AKAP13: variants seen among roughly 807,000 people sequenced by gnomAD.
AKAP13 encodes A-kinase anchor protein 13.
Under a neutral mutation model 264.5 loss-of-function variants are expected in AKAP13, and 80 were observed. The observed-to-expected ratio is 0.30, with a 90% CI of 0.25 to 0.36. AKAP13 has a LOEUF of 0.36. Ranked by LOEUF, AKAP13 falls within the 10% of genes least tolerant of loss-of-function variation. The pLI is 1.00. For synonymous variants in AKAP13, 1,380 were observed against 1,250.2 expected (o/e 1.10, Z -2.19); for missense variants, 3,712 against 3,435.2 (o/e 1.08, Z -2.01).
intron 5 of AKAP13, among the ~76,000 whole-genome samples, chr15:85,562,191 T>C (rs985194633): frequency 1.3e-5 from 2 of 152,178 alleles, no homozygotes; most frequent in Non-Finnish European, 2.9e-5. Context: ...TGATAAATAT[T>C]AACAATAAAA....
chr15:85,611,496 T>A (rs1471455), intron 8 of AKAP13, among the ~76,000 whole-genome samples: 62,883 of 152,010 alleles, frequency 0.41, 13,857 homozygotes, highest in East Asian at 0.57. Context: ...TAATGTTAAA[T>A]ATTTTTGGAC....
intron 8 of AKAP13, among the ~76,000 whole-genome samples, chr15:85,613,648 T>C (rs1423932654): frequency 7.6e-6 from 1 of 130,818 alleles, no homozygotes; most frequent in African/African-American, 2.9e-5. Context: ...ACCACTGCAC[T>C]CCAGCCTGGG....
chr15:85,442,526 A>ATATATTATATATATTATATTATAT (rs2073738132), intron 1 of AKAP13, among the ~76,000 whole-genome samples: 5 of 110,068 alleles, frequency 4.5e-5, no homozygotes, highest in African/African-American at 1.8e-4. Context: ...ATATTATATT[A>ATATATTATATATATTATATTATAT]TATATAATAT....
intron 5 of AKAP13, among the ~76,000 whole-genome samples, chr15:85,558,787 G>A (rs2078242202): frequency 6.6e-6 from 1 of 152,148 alleles, no homozygotes; most frequent in African/African-American, 2.4e-5. Flanking sequence ...AGAAATGGAT[G>A]TGCATTCCTT....
chr15:85,669,870 T>C (rs1360683694), intron 14 of AKAP13, 40 bp downstream of exon 14: 1 of 1,393,196 alleles, frequency 7.2e-7, no homozygotes, highest in Admixed American at 1.8e-5. Context: ...ATATATTAAA[T>C]CTTAACCACT....
intron 6 of AKAP13, 35 bp downstream of exon 6, chr15:85,575,364 A>G (rs755383485): frequency 1.4e-5 from 22 of 1,576,002 alleles, no homozygotes; most frequent in Middle Eastern, 3.5e-4. Context: ...AAGTATATGC[A>G]TGTGTATGTG....
intron 17 of AKAP13, among the ~76,000 whole-genome samples, chr15:85,694,849 C>G (rs532793252): frequency 6.6e-6 from 1 of 152,210 alleles, no homozygotes; most frequent in African/African-American, 2.4e-5. Context: ...ATTCAGATGT[C>G]AAGGAGCAAC....
chr15:85,406,185 T>A (rs780773530), intron 1 of AKAP13, among the ~76,000 whole-genome samples: 1 of 152,188 alleles, frequency 6.6e-6, no homozygotes, highest in Non-Finnish European at 1.5e-5. Context: ...CTAGAGTGGA[T>A]AAATAAACTA....
intron 5 of AKAP13, among the ~76,000 whole-genome samples, chr15:85,571,488 C>G (rs2078817840): frequency 6.6e-6 from 1 of 152,016 alleles, no homozygotes; most frequent in African/African-American, 2.4e-5. Flanking sequence ...TAGAGTTTTG[C>G]GAGATTTTAC....
At chr15:85,397,336 G>T (rs1018778247) in intron 1 of AKAP13, among the ~76,000 whole-genome samples, 7 of 151,966 alleles carry the variant, frequency 4.6e-5, no homozygotes, top group Admixed American at 3.9e-4. Flanking sequence ...TGGCTGCTTT[G>T]CCAAAAGTGC....
At chr15:85,737,611 G>T (rs752254278) in intron 33 of AKAP13, among the ~76,000 whole-genome samples, 1 of 152,150 alleles carries the variant, frequency 6.6e-6, no homozygotes, top group Non-Finnish European at 1.5e-5. Flanking sequence ...TCTAAATACA[G>T]TGGAGTCCTG....
chr15:85,490,161 T>A (rs892349018), intron 2 of AKAP13, among the ~76,000 whole-genome samples: 1 of 152,130 alleles, frequency 6.6e-6, no homozygotes, highest in Non-Finnish European at 1.5e-5. Flanking sequence ...GCCTGGATTG[T>A]TTAGAGAGAG....
chr15:85,428,381 T>A (rs1257098923), intron 1 of AKAP13, among the ~76,000 whole-genome samples: 2 of 152,194 alleles, frequency 1.3e-5, no homozygotes, highest in Non-Finnish European at 2.9e-5. Context: ...GTATTTTTAA[T>A]AGAGGTGGGG....
chr15:85,727,049 C>G lies in AKAP13; in HGVS notation c.6823-17C>G. ...ATTGTATATGTATCTTTTATTTGCC[C>G]TCTTCCCTTTTTCCAGGACCAGAAG... On this transcript the variant is annotated splice_polypyrimidine_tract_variant and intron_variant, in intron 27 of 36. Transcript: ENST00000394518. The surrounding 1 kb of genome is among the most constrained non-coding windows in gnomAD (Gnocchi z 5.3). The G allele has an allele frequency of 6.2e-7, 1 of 1,613,664 alleles. No homozygotes were observed. The highest frequency in any genetic ancestry group is 8.5e-7 in the Non-Finnish European group (1 of 1,179,758).
Position 85,579,670 on chromosome 15 carries a change from A to G in AKAP13, c.1602A>G (p.Pro534=), listed in dbSNP as rs375203481. 3.1e-6 allele frequency: 5 copies of G among 1,614,116 alleles called. No individual in the cohort carries two copies. Among genetic ancestry groups the G allele is most frequent in the African/African-American group, 1.3e-5 (1 of 74,940 alleles). ...TSKPVDKISV[P]NCAPAASSLD... ...AGCCTGTGGATAAAATCAGTGTTCC[A>G]AACTGTGCCCCTGCTGCCAGTTCCC... The change falls in exon 7 of 37, where the codon CCA becomes CCG. Residue 534 remains proline (P), a synonymous_variant. Transcript: ENST00000394518.
chr15:85,690,714 T>A (rs2085234781), intron 16 of AKAP13, among the ~76,000 whole-genome samples: 1 of 152,250 alleles, frequency 6.6e-6, no homozygotes, highest in Admixed American at 6.5e-5. Context: ...ATTTTGACTG[T>A]GCTGATCATC....
At chr15:85,744,453 C>G in intron 36 of AKAP13, 175 bp from the exon 37 acceptor site, 1 of 663,920 alleles carries the variant, frequency 1.5e-6, no homozygotes, top group South Asian at 1.7e-5. Context: ...TGAAGGATAT[C>G]ACTTAAGAAC....
At chr15:85,608,935 A>G (rs370831643) in intron 8 of AKAP13, among the ~76,000 whole-genome samples, 10 of 152,154 alleles carry the variant, frequency 6.6e-5, no homozygotes, top group South Asian at 2.1e-4. Flanking sequence ...CTGGCTCCCT[A>G]TTGCCCCTGA....
chr15:85,603,419 C>A (rs1328232895), intron 8 of AKAP13, among the ~76,000 whole-genome samples: 1 of 152,238 alleles, frequency 6.6e-6, no homozygotes, highest in East Asian at 1.9e-4. Flanking sequence ...AACATCTTAC[C>A]ATTACTATGA....
Sources: allele counts gnomAD v4.1 joint callset (sites outside exome capture counted in the v4.1 genomes callset), GRCh38; gene constraint gnomAD v4.1.1; non-coding constraint Gnocchi (gnomAD v3.1); transcripts MANE v1.5; gene names NCBI Gene and HGNC (gene_info 2026-07-23, HGNC 2026-07-21).